The following ATRNL1 variants were observed in gnomAD, a reference collection of about 807,000 sequenced individuals.
ATRNL1 encodes attractin like 1, also known as attractin-like protein 1.
ATRNL1 carries 95 observed loss-of-function variants against 182.7 expected under a neutral mutation model. The ratio of observed to expected loss-of-function variants is 0.52; its 90% CI spans 0.44 to 0.62. ATRNL1 has a LOEUF of 0.62. ATRNL1 is among the 20% of genes least tolerant of loss of function. The probability of loss-of-function intolerance (pLI) is 0.00; values close to 1 mark genes in which losing one functional copy is unlikely to be tolerated. For missense variants in ATRNL1, 1,471 were observed against 1,679.5 expected (o/e 0.88, Z 2.17); for synonymous variants, 576 against 568.3 (o/e 1.01, Z -0.19).
chr10:115,098,799 C>T (rs1375157106), intron 1 of ATRNL1, among the ~76,000 whole-genome samples: 3 of 152,102 alleles, frequency 2.0e-5, no homozygotes, highest in African/African-American at 7.2e-5. Context: ...TGACTCTTCA[C>T]ACTAGGTTAC....
intron 1 of ATRNL1, among the ~76,000 whole-genome samples, chr10:115,104,244 G>A (rs1843902915): frequency 6.6e-6 from 1 of 152,130 alleles, no homozygotes; most frequent in Non-Finnish European, 1.5e-5. Context: ...TTTAACTGGA[G>A]TGAGATAATA....
intron 18 of ATRNL1, among the ~76,000 whole-genome samples, chr10:115,316,079 A>G (rs1554929583): frequency 6.6e-6 from 1 of 151,968 alleles, no homozygotes; most frequent in African/African-American, 2.4e-5. Flanking sequence ...TGCTGCTCCT[A>G]TTGACCCATC....
chr10:115,443,076 T>A (rs1488089167), intron 21 of ATRNL1, among the ~76,000 whole-genome samples: 1 of 152,046 alleles, frequency 6.6e-6, no homozygotes, highest in Non-Finnish European at 1.5e-5. Flanking sequence ...TTTTTATTAG[T>A]TTGCTATTCA....
intron 4 of ATRNL1, 110 bp downstream of exon 4, chr10:115,127,831 G>A (rs547735903): frequency 1.8e-4 from 132 of 738,432 alleles, no homozygotes; most frequent in Admixed American, 7.0e-4. Flanking sequence ...GCAGGCTACC[G>A]TGTTAAATTT....
chr10:115,424,091 C>T (rs1472373280), intron 20 of ATRNL1, among the ~76,000 whole-genome samples: 1 of 151,922 alleles, frequency 6.6e-6, no homozygotes, highest in Non-Finnish European at 1.5e-5. Flanking sequence ...AGCAAAAAAC[C>T]CCACAAGTAG....
chr10:115,363,195 T>A (rs1326636921), intron 19 of ATRNL1, among the ~76,000 whole-genome samples: 1 of 151,344 alleles, frequency 6.6e-6, no homozygotes, highest in African/African-American at 2.4e-5. Flanking sequence ...GTTTCCTGAC[T>A]TTTTAATGAT....
At chr10:115,660,508 C>A (rs1860615854) in intron 26 of ATRNL1, among the ~76,000 whole-genome samples, 1 of 151,886 alleles carries the variant, frequency 6.6e-6, no homozygotes, top group Non-Finnish European at 1.5e-5. Flanking sequence ...ACCATTAAAG[C>A]AAAGGAGATA....
At chr10:115,287,111 T>A (rs1852656303) in intron 15 of ATRNL1, among the ~76,000 whole-genome samples, 1 of 151,978 alleles carries the variant, frequency 6.6e-6, no homozygotes, top group South Asian at 2.1e-4. Flanking sequence ...TAATGCTTAC[T>A]TGTTACAGCT....
chr10:115,565,313 G>C (rs1182402285), intron 26 of ATRNL1, among the ~76,000 whole-genome samples: 2 of 151,970 alleles, frequency 1.3e-5, no homozygotes, highest in Non-Finnish European at 2.9e-5. Flanking sequence ...TTTAGATCAT[G>C]TTATAAATTC....
intron 26 of ATRNL1, among the ~76,000 whole-genome samples, chr10:115,661,487 T>A (rs1452077231): frequency 6.6e-6 from 1 of 152,182 alleles, no homozygotes; most frequent in Non-Finnish European, 1.5e-5. Context: ...TATGGTGATA[T>A]CACTATGATA....
chr10:115,260,891 T>C (rs1325973137), intron 10 of ATRNL1, among the ~76,000 whole-genome samples: 2 of 152,118 alleles, frequency 1.3e-5, no homozygotes, highest in African/African-American at 4.8e-5. Flanking sequence ...GAAAACTTTG[T>C]ATCTCAGTAA....
chr10:115,612,186 A>T (rs1403034372), intron 26 of ATRNL1, among the ~76,000 whole-genome samples: 1 of 151,786 alleles, frequency 6.6e-6, no homozygotes, highest in Non-Finnish European at 1.5e-5. Context: ...TGAGAGGCGG[A>T]GGTTGCAGTG....
At chr10:115,808,463 T>C (rs1398044933) in intron 27 of ATRNL1, among the ~76,000 whole-genome samples, 1 of 152,186 alleles carries the variant, frequency 6.6e-6, no homozygotes, top group Non-Finnish European at 1.5e-5. Context: ...TTTGGAGCTA[T>C]TATGAATAAA....
chr10:115,833,336 G>C (rs1398399747), intron 27 of ATRNL1, among the ~76,000 whole-genome samples: 5 of 152,118 alleles, frequency 3.3e-5, no homozygotes, highest in African/African-American at 1.2e-4. Flanking sequence ...GTATGTGGTA[G>C]AGCCAAGATT....
chr10:115,321,502 G>A (rs1475756082), intron 18 of ATRNL1, among the ~76,000 whole-genome samples: 1 of 151,802 alleles, frequency 6.6e-6, no homozygotes, highest in African/African-American at 2.4e-5. Context: ...TCTTATTTGT[G>A]TCCTTGCTTC....
intron 25 of ATRNL1, among the ~76,000 whole-genome samples, chr10:115,538,451 C>A (rs150638310): frequency 7.0e-6 from 1 of 142,220 alleles, no homozygotes; most frequent in African/African-American, 2.8e-5. Flanking sequence ...TGGCTAATGA[C>A]GTTGAATATC....
At chr10:115,347,876 A>G (rs1554940253) in intron 19 of ATRNL1, among the ~76,000 whole-genome samples, 1 of 152,172 alleles carries the variant, frequency 6.6e-6, no homozygotes, top group Admixed American at 6.5e-5. Context: ...GGCTATGGAA[A>G]AATATAACAA....
intron 19 of ATRNL1, among the ~76,000 whole-genome samples, chr10:115,344,146 C>T (rs1554939085): frequency 6.6e-6 from 1 of 152,090 alleles, no homozygotes; most frequent in Non-Finnish European, 1.5e-5. Flanking sequence ...TGCCTGTGTT[C>T]GCCTAAAGTC....
In ATRNL1 at chr10:115,489,881, T is replaced by A. The variant is rs370275732; in HGVS notation, c.3654+20552T>A. Among the ~76,000 whole-genome samples the A allele has an allele frequency of 2.4e-4, 37 of 152,312 alleles. No individual in the cohort carries two copies. The East Asian group carries it at 4.4e-3, about 18-fold the overall frequency. ...CCGGTACCAGTCATTCCTTTCCATGTTTAGTGCTTCCTTCAGGAGCTCTTG... is the reference window on the plus strand; with the variant it reads ...CCGGTACCAGTCATTCCTTTCCATGATTAGTGCTTCCTTCAGGAGCTCTTG... On this transcript the variant is annotated intron_variant, in intron 24 of 28. Coordinates refer to ENST00000355044, the MANE Select transcript of ATRNL1 (RefSeq NM_207303.4).
Sources: gnomAD v4.1 joint callset for allele counts (sites outside exome capture counted in the v4.1 genomes callset) on GRCh38, gnomAD v4.1.1 for gene constraint, MANE v1.5 for transcripts, NCBI Gene and HGNC (gene_info 2026-07-23, HGNC 2026-07-21) for gene names.